The following TEX264 variants were observed in gnomAD, a reference collection of about 807,000 sequenced individuals.
TEX264 encodes testis expressed 264, ER-phagy receptor.
TEX264 carries 13 observed loss-of-function variants against 23.4 expected under a neutral mutation model. The ratio of observed to expected loss-of-function variants is 0.56; its 90% CI spans 0.36 to 0.88. The LOEUF is 0.88. Among genes scored for constraint, TEX264 ranks in the 40% least tolerant of loss-of-function variants. The pLI, the probability that TEX264 is intolerant of heterozygous loss-of-function variation, is 0.01. For missense variants in TEX264, 340 were observed against 406.8 expected, an observed-to-expected ratio of 0.84 and a Z score of 1.41; for synonymous variants, 159 against 170.0, an observed-to-expected ratio of 0.94 and a Z score of 0.50.
Position 51,686,870 on chromosome 3 carries a change from C to T in TEX264, c.480+2236C>T, listed in dbSNP as rs998028775. ...AAGAGACTTCTTGGGTTCCAGACCT[C>T]AGAACAGGACATGTGGCATGTGGTG... On this transcript the variant is annotated intron_variant, in intron 3 of 4. Coordinates refer to ENST00000341333, the MANE Select transcript of TEX264 (RefSeq NM_015926.6). The surrounding 1 kb of genome is among the most constrained non-coding windows in gnomAD (Gnocchi z 4.1). Among the ~76,000 whole-genome samples the T allele has an allele frequency of 6.6e-6, 1 of 152,216 alleles. No individual in the cohort carries two copies. Among genetic ancestry groups the T allele is most frequent in the Non-Finnish European group, 1.5e-5 (1 of 68,044 alleles).
intron 2 of TEX264, chr3:51,681,467 T>C (rs1370848740): frequency 6.6e-6 from 1 of 152,168 alleles, no homozygotes; most frequent in Non-Finnish European, 1.5e-5. Context: ...GGCTGCTTGG[T>C]GGAGAGCAAC....
At chr3:51,702,854 T>C (rs1577540497) in intron 4 of TEX264, among the ~76,000 whole-genome samples, 1 of 152,150 alleles carries the variant, frequency 6.6e-6, no homozygotes, top group African/African-American at 2.4e-5. Context: ...GGAGGATGTA[T>C]TGGGGGTGGA....
Position 51,693,987 on chromosome 3 carries a change from TTTCCTTCCTTCCTTCCTTCCTTCC to T in TEX264, c.481-5381_481-5358del, listed in dbSNP as rs60768031. On this transcript the variant is annotated intron_variant, in intron 3 of 4. Coordinates refer to ENST00000341333, the MANE Select transcript of TEX264 (RefSeq NM_015926.6). ...GAGATCATCTATTCTAATCCCTTTCTTTCCTTCCTTCCTTCCTTCCTTCCTTCCTTCCTTCCTTCCTTCCTTCCT... is the reference window on the plus strand; with the variant it reads ...GAGATCATCTATTCTAATCCCTTTCTTTCCTTCCTTCCTTCCTTCCTTCCT... Among the ~76,000 whole-genome samples the T allele has an allele frequency of 4.1e-3, 322 of 77,790 alleles. 4 individuals are homozygous for T. The East Asian group carries it at 0.051, about 12-fold the overall frequency. 51.0% of individuals were successfully genotyped at this position (77,790 alleles called of 152,430 possible).
At chr3:51,689,540 G>A (rs921862647) in intron 3 of TEX264, among the ~76,000 whole-genome samples, 1 of 152,084 alleles carries the variant, frequency 6.6e-6, no homozygotes, top group African/African-American at 2.4e-5. Context: ...CCCTGGCTGT[G>A]CTGAGGTGCC....
chr3:51,689,164 C>T (rs951446185), intron 3 of TEX264, among the ~76,000 whole-genome samples: 1 of 151,952 alleles, frequency 6.6e-6, no homozygotes, highest in African/African-American at 2.4e-5. Flanking sequence ...TGGCTCACAC[C>T]TGTAATCCCA....
Position 51,684,491 on chromosome 3 carries a change from G to A in TEX264, c.337G>A (p.Asp113Asn), listed in dbSNP as rs747830496. 3.1e-6 allele frequency: 5 copies of A among 1,614,160 alleles called. No individual in the cohort carries two copies. The highest frequency in any genetic ancestry group is 2.2e-5 in the South Asian group (2 of 91,082). Residue 113 changes from aspartate (D) to asparagine (N), a missense_variant, in exon 3 of 5, where the codon GAC becomes AAC. By Grantham distance (23) the Asp-to-Asn change is conservative. Coordinates refer to ENST00000341333, the MANE Select transcript of TEX264 (RefSeq NM_015926.6). ...GGAATCGCCCTCCCCTGAGCTCATCGACCTCTACCAGAAATTTGGCTTCAA... is the reference window on the plus strand; with the variant it reads ...GGAATCGCCCTCCCCTGAGCTCATCAACCTCTACCAGAAATTTGGCTTCAA... ...GEESPSPELI[D>N]LYQKFGFKVF...
At position 51,703,965 on chromosome 3, in the gene TEX264, G is replaced by C. The variant is rs775256785; in HGVS notation, c.891G>C (p.Gly297=). The C allele has an allele frequency of 6.4e-7, 1 of 1,571,490 alleles. No individual in the cohort carries two copies. The highest frequency in any genetic ancestry group is 1.4e-5 in the African/African-American group (1 of 73,754). Residue 297 remains glycine (G), a synonymous_variant, in exon 5 of 5, where the codon GGG becomes GGC. Transcript: ENST00000341333. This position sits in a 1 kb window ranked among gnomAD's most constrained non-coding sequence, Gnocchi z 4.8. ...SRLDPGTEPL[G]TTKWLWEPTA... ...TGGACCCTGGGACTGAGCCCCTGGG[G>C]ACTACCAAGTGGCTCTGGGAGCCCA...
chr3:51,682,085 T>C (rs1213233487), intron 2 of TEX264: 1 of 152,214 alleles, frequency 6.6e-6, no homozygotes. Flanking sequence ...ATAAGTGACC[T>C]TTCATCCGTT....
At chr3:51,696,941 G>A (rs1194373776) in intron 3 of TEX264, among the ~76,000 whole-genome samples, 2 of 152,216 alleles carry the variant, frequency 1.3e-5, no homozygotes, top group African/African-American at 2.4e-5. Flanking sequence ...CCAGGGGTCT[G>A]GGAGCAGGCT....
chr3:51,673,858 CG>C (rs1376539950), intron 1 of TEX264, among the ~76,000 whole-genome samples: 2 of 152,060 alleles, frequency 1.3e-5, no homozygotes, highest in Non-Finnish European at 2.9e-5. Flanking sequence ...GGGCTGGTGG[CG>C]TGGCTCAGCT....
chr3:51,695,582 G>C (rs1341828066), intron 3 of TEX264, among the ~76,000 whole-genome samples: 1 of 152,224 alleles, frequency 6.6e-6, no homozygotes, highest in Non-Finnish European at 1.5e-5. Flanking sequence ...AAGACCTGCT[G>C]GGGAGGCACT....
chr3:51,695,094 T>G (rs576497950), intron 3 of TEX264, among the ~76,000 whole-genome samples: 1 of 152,336 alleles, frequency 6.6e-6, no homozygotes, highest in South Asian at 2.1e-4. Context: ...TAATTAAAAA[T>G]GAGCATGCAT....
At chr3:51,681,059 G>C (rs964537277) in intron 2 of TEX264, among the ~76,000 whole-genome samples, 1 of 152,184 alleles carries the variant, frequency 6.6e-6, no homozygotes, top group Non-Finnish European at 1.5e-5. Context: ...GGCTTGCTGA[G>C]AGACCTTCTA....
At chr3:51,685,155 A>G (rs1427774583) in intron 3 of TEX264, among the ~76,000 whole-genome samples, 1 of 152,222 alleles carries the variant, frequency 6.6e-6, no homozygotes, top group African/African-American at 2.4e-5. Context: ...GTTACTGGCA[A>G]TGCTGGCAGC....
rs953964701 is a variant in TEX264, at chr3:51,686,901, G to C, written c.480+2267G>C. 6.6e-6 allele frequency among the ~76,000 whole-genome samples: 1 copy of C among 152,206 alleles called. No individual in the cohort carries two copies. The highest frequency in any genetic ancestry group is 2.1e-4 in the South Asian group (1 of 4,832). On this transcript the variant is annotated intron_variant, in intron 3 of 4. Transcript: ENST00000341333. This position sits in a 1 kb window ranked among gnomAD's most constrained non-coding sequence, Gnocchi z 4.1. ...AGGACATGTGGCATGTGGTGTGGTG[G>C]TGAGCAACTCAGCCACCAAAGCCTT...
At position 51,703,987 on chromosome 3, in the gene TEX264, C is replaced by T. The variant is rs1457363076; in HGVS notation, c.913C>T (p.Pro305Ser). 1 of 1,545,112 alleles carries T rather than the reference C, an allele frequency of 6.5e-7. No homozygotes were observed. Among genetic ancestry groups the T allele is most frequent in the East Asian group, 2.3e-5 (1 of 43,944 alleles). Residue 305 changes from proline to serine, a missense_variant, in exon 5 of 5, where the codon CCC becomes TCC. Transcript: ENST00000341333. This position sits in a 1 kb window ranked among gnomAD's most constrained non-coding sequence, Gnocchi z 4.8. ...PLGTTKWLWE[P>S]TAPEKGKE ...GGGGACTACCAAGTGGCTCTGGGAG[C>T]CCACTGCCCCTGAGAAGGGCAAGGA...
At chr3:51,692,023 ACCC>A (rs1702847250) in intron 3 of TEX264, among the ~76,000 whole-genome samples, 1 of 151,882 alleles carries the variant, frequency 6.6e-6, no homozygotes, top group Non-Finnish European at 1.5e-5. Context: ...CTCTGGCTTT[ACCC>A]CACCTCCCTC....
At chr3:51,689,254 T>C (rs976437391) in intron 3 of TEX264, among the ~76,000 whole-genome samples, 2 of 151,634 alleles carry the variant, frequency 1.3e-5, no homozygotes, top group African/African-American at 4.8e-5. Context: ...TGAAACCTCG[T>C]CTCTACAGAA....
intron 2 of TEX264, among the ~76,000 whole-genome samples, chr3:51,677,082 G>A (rs966467404): frequency 2.6e-5 from 4 of 152,246 alleles, no homozygotes; most frequent in African/African-American, 9.6e-5. Context: ...GGCTTCAGGT[G>A]CTCGTGGCTA....
Sources: allele counts gnomAD v4.1 joint callset (sites outside exome capture counted in the v4.1 genomes callset), GRCh38; gene constraint gnomAD v4.1.1; non-coding constraint Gnocchi (gnomAD v3.1); transcripts MANE v1.5; gene names NCBI Gene and HGNC (gene_info 2026-07-23, HGNC 2026-07-21).